Variants in GPM6A observed in about 807,000 individuals in gnomAD.
The protein encoded by GPM6A is neuronal membrane glycoprotein M6-a.
Under a neutral mutation model 32.1 loss-of-function variants are expected in GPM6A, and 7 were observed. That is an observed-to-expected ratio of 0.22 (90% confidence interval 0.12 to 0.41). The LOEUF is 0.41. Ranked by LOEUF, GPM6A falls within the 10% of genes least tolerant of loss-of-function variation. The probability of loss-of-function intolerance (pLI) is 1.00; values close to 1 mark genes in which losing one functional copy is unlikely to be tolerated. For missense variants in GPM6A, 235 were observed against 347.2 expected (o/e 0.68, Z 2.57); for synonymous variants, 130 against 123.4 (o/e 1.05, Z -0.35).
In GPM6A at chr4:175,906,504, C is replaced by T. The variant is rs1738134865; in HGVS notation, c.-22-94255G>A. 2.0e-5 allele frequency: 3 copies of T among 151,978 alleles called. No individual in the cohort carries two copies. In the South Asian group the frequency reaches 6.2e-4, roughly 31 times the overall value. The allele number at this position is 151,978 out of a possible 1,614,324, so 9.4% of individuals were successfully genotyped here. A position where few individuals can be genotyped will look rare whatever the true frequency, so the allele number is the denominator to read the frequency against. On this transcript the variant is annotated intron_variant, in intron 1 of 7. Coordinates refer to the GPM6A transcript ENST00000280187. ...TTCAAACTCCAGTGCTCTTATTTTT[C>T]TCTCCTCATTATTTTTTATAGACCG... is the stretch of plus-strand genomic sequence containing the variant.
chr4:175,741,443 G>A (rs1437352676), intron 1 of GPM6A, among the ~76,000 whole-genome samples: 1 of 152,038 alleles, frequency 6.6e-6, no homozygotes, highest in South Asian at 2.1e-4. Context: ...TTTAACGTAT[G>A]TATCTGAGGA....
intron 1 of GPM6A, among the ~76,000 whole-genome samples, chr4:175,725,835 T>C (rs1413981083): frequency 1.3e-5 from 2 of 152,168 alleles, no homozygotes; most frequent in African/African-American, 4.8e-5. Flanking sequence ...ATGAAATGAA[T>C]GCTTTGCAGT....
intron 1 of GPM6A, chr4:175,787,197 G>A (rs1044242508): frequency 1.6e-6 from 1 of 638,208 alleles, no homozygotes; most frequent in South Asian, 1.9e-5. Context: ...TTCATTGGAT[G>A]TGACATGCCA....
chr4:175,756,969 G>A lies in GPM6A; in HGVS notation c.38-55202C>T, dbSNP rs143062624. ...GAAGGCAAATATGGGGCAATGGGTG[G>A]GTTTAAGAAGGCGAACTGGAGGCTA... On this transcript the variant is annotated intron_variant, in intron 1 of 6. Transcript: ENST00000393658. Among the ~76,000 whole-genome samples the A allele has an allele frequency of 4.3e-3, 650 of 152,156 alleles. 3 individuals carry two copies. Among genetic ancestry groups the A allele is most frequent in the Non-Finnish European group, 6.9e-3 (467 of 67,970 alleles).
chr4:175,789,671 C>T (rs1205063061), intron 1 of GPM6A, among the ~76,000 whole-genome samples: 5 of 151,976 alleles, frequency 3.3e-5, no homozygotes, highest in Non-Finnish European at 1.5e-5. Context: ...AGTTATCTAC[C>T]GGCCAAAGGA....
chr4:175,696,563 C>T (rs1374929535), intron 2 of GPM6A, among the ~76,000 whole-genome samples: 1 of 152,174 alleles, frequency 6.6e-6, no homozygotes, highest in Non-Finnish European at 1.5e-5. Context: ...GGTTTTCTAA[C>T]ATGAGTTCTA....
intron 1 of GPM6A, among the ~76,000 whole-genome samples, chr4:175,929,211 G>C (rs1475160874): frequency 6.6e-6 from 1 of 152,200 alleles, no homozygotes; most frequent in Non-Finnish European, 1.5e-5. Flanking sequence ...TTCAATTTTA[G>C]AACTCTAATT....
At chr4:175,746,920 A>C (rs571042112) in intron 1 of GPM6A, among the ~76,000 whole-genome samples, 1 of 152,306 alleles carries the variant, frequency 6.6e-6, no homozygotes, top group Non-Finnish European at 1.5e-5. Context: ...TAACCCATTA[A>C]GAAGATAGTC....
At chr4:175,660,900 G>C (rs759712879) in intron 3 of GPM6A, among the ~76,000 whole-genome samples, 2 of 152,178 alleles carry the variant, frequency 1.3e-5, no homozygotes, top group Admixed American at 6.5e-5. Context: ...ACCCCTGCAA[G>C]TAAGGTAATT....
chr4:175,917,697 C>T (rs1164384113), intron 1 of GPM6A, among the ~76,000 whole-genome samples: 1 of 151,896 alleles, frequency 6.6e-6, no homozygotes, highest in African/African-American at 2.4e-5. Flanking sequence ...TGTTAAAATG[C>T]GTGAGATCTG....
chr4:175,872,410 A>T (rs918878836), intron 1 of GPM6A, among the ~76,000 whole-genome samples: 3 of 152,242 alleles, frequency 2.0e-5, no homozygotes, highest in Non-Finnish European at 4.4e-5. Context: ...GGCATCAGCC[A>T]TCTTGGCTTC....
chr4:175,699,883 T>C (rs1560882911), intron 2 of GPM6A, among the ~76,000 whole-genome samples: 1 of 152,150 alleles, frequency 6.6e-6, no homozygotes, highest in Non-Finnish European at 1.5e-5. Flanking sequence ...TGTATAACTC[T>C]ATTCTCATTT....
At chr4:175,643,443 C>A (rs957344793) in intron 4 of GPM6A, among the ~76,000 whole-genome samples, 2 of 152,138 alleles carry the variant, frequency 1.3e-5, no homozygotes, top group African/African-American at 4.8e-5. Flanking sequence ...CTGTTGTTTC[C>A]TGAGAAACCA....
chr4:175,712,413 T>C (rs1251551608), intron 1 of GPM6A, among the ~76,000 whole-genome samples: 4 of 152,080 alleles, frequency 2.6e-5, no homozygotes, highest in Admixed American at 6.6e-5. Flanking sequence ...GCTAGAGCAA[T>C]TGGGGTCATG....
chr4:175,989,267 A>G (rs1204877076), intron 1 of GPM6A, among the ~76,000 whole-genome samples: 1 of 152,198 alleles, frequency 6.6e-6, no homozygotes. Context: ...TCCTTGATGT[A>G]AAAGATAAGA....
chr4:175,932,654 T>C (rs1283327328), intron 1 of GPM6A, among the ~76,000 whole-genome samples: 2 of 152,066 alleles, frequency 1.3e-5, no homozygotes, highest in Non-Finnish European at 1.5e-5. Context: ...TTATAACATG[T>C]ATAGAAAGAA....
In GPM6A at chr4:175,877,374, T is replaced by G. The variant is rs566202494; in HGVS notation, c.-22-65125A>C. Among the ~76,000 whole-genome samples the G allele has an allele frequency of 4.6e-5, 7 of 152,250 alleles. No individual in the cohort carries two copies. In the South Asian group the frequency reaches 8.3e-4, roughly 18 times the overall value. ...CAAAGCAAGCAAAGGCAGTTAAGCA[T>G]AGTATTAGTCCATTCTCACCCTGCT... On this transcript the variant is annotated intron_variant, in intron 1 of 7. Transcript: ENST00000280187.
intron 1 of GPM6A, among the ~76,000 whole-genome samples, chr4:175,750,588 T>C (rs1176980792): frequency 7.4e-6 from 1 of 135,030 alleles, no homozygotes; most frequent in Non-Finnish European, 1.7e-5. Flanking sequence ...GCTTCCTTTT[T>C]TTTGACAGGG....
chr4:175,732,507 T>TA (rs1731477469), intron 1 of GPM6A, among the ~76,000 whole-genome samples: 2 of 152,208 alleles, frequency 1.3e-5, no homozygotes, highest in Admixed American at 6.5e-5. Context: ...AATTTATCTA[T>TA]ATAATCTGAA....
Sources: allele counts gnomAD v4.1 joint callset (sites outside exome capture counted in the v4.1 genomes callset), GRCh38; gene constraint gnomAD v4.1.1; transcripts MANE v1.5; gene names NCBI Gene and HGNC (gene_info 2026-07-23, HGNC 2026-07-21).